ACACA: variants seen among roughly 807,000 people sequenced by gnomAD.
ACACA encodes acetyl-CoA carboxylase alpha.
ACACA carries 103 observed loss-of-function variants against 296.1 expected under a neutral mutation model. The ratio of observed to expected loss-of-function variants is 0.35; its 90% confidence interval spans 0.30 to 0.41. The LOEUF (loss-of-function observed/expected upper bound fraction) is 0.41. ACACA is among the 10% of genes least tolerant of loss of function. The probability of loss-of-function intolerance (pLI) is 1.00; values close to 1 mark genes in which losing one functional copy is unlikely to be tolerated. For missense variants in ACACA, 1,554 were observed against 2,989.7 expected (o/e 0.52, Z 11.20); for synonymous variants, 953 against 1,038.6 (o/e 0.92, Z 1.58).
intron 41 of ACACA, among the ~76,000 whole-genome samples, chr17:37,163,550 G>A (rs948187421): frequency 6.6e-6 from 1 of 152,160 alleles, no homozygotes; most frequent in Non-Finnish European, 1.5e-5. Flanking sequence ...AAAGGATGAC[G>A]TCTCACGGAC....
At chr17:37,142,566 G>C (rs1405686247) in intron 45 of ACACA, among the ~76,000 whole-genome samples, 1 of 152,218 alleles carries the variant, frequency 6.6e-6, no homozygotes, top group Non-Finnish European at 1.5e-5. Context: ...CTTTAGAAAG[G>C]AGAGTGATCC....
chr17:37,297,459 A>AACC (rs1491364151), intron 3 of ACACA, among the ~76,000 whole-genome samples: 3 of 150,764 alleles, frequency 2.0e-5, no homozygotes, highest in Non-Finnish European at 4.4e-5. Flanking sequence ...AAAAAAAAAA[A>AACC]ACCACACACA....
intron 52 of ACACA, among the ~76,000 whole-genome samples, chr17:37,105,776 A>G (rs948660281): frequency 6.6e-6 from 1 of 151,694 alleles, no homozygotes; most frequent in Non-Finnish European, 1.5e-5. Flanking sequence ...AGGTAGGAGA[A>G]CTGCTTGAAC....
intron 24 of ACACA, among the ~76,000 whole-genome samples, chr17:37,237,813 TGCAGTGATGCA>T (rs1181091304): frequency 1.3e-5 from 2 of 152,186 alleles, no homozygotes; most frequent in African/African-American, 4.8e-5. Context: ...GGGGCTGGAG[TGCAGTGATGCA>T]ATCACAGCTC....
chr17:37,313,714 G>T (rs1422679902), intron 3 of ACACA, among the ~76,000 whole-genome samples: 1 of 152,142 alleles, frequency 6.6e-6, no homozygotes, highest in Non-Finnish European at 1.5e-5. Context: ...CCCTTGTATT[G>T]GTGGTTCCCT....
intron 3 of ACACA, among the ~76,000 whole-genome samples, chr17:37,297,705 C>T (rs2083421218): frequency 6.6e-6 from 1 of 151,746 alleles, no homozygotes. Flanking sequence ...TGCCTGCCAC[C>T]ACGCCCAGCT....
At chr17:37,310,073 T>C (rs2084060406) in intron 3 of ACACA, among the ~76,000 whole-genome samples, 1 of 152,124 alleles carries the variant, frequency 6.6e-6, no homozygotes, top group Non-Finnish European at 1.5e-5. Flanking sequence ...TTTTGTATCT[T>C]ATGCTATGTG....
At chr17:37,327,341 C>A (rs1260176002) in intron 3 of ACACA, among the ~76,000 whole-genome samples, 4 of 152,162 alleles carry the variant, frequency 2.6e-5, no homozygotes, top group Non-Finnish European at 5.9e-5. Flanking sequence ...GTCACCATAT[C>A]CAGAAGTGAC....
At chr17:37,114,954 A>C (rs1051603292) in intron 50 of ACACA, among the ~76,000 whole-genome samples, 12 of 152,248 alleles carry the variant, frequency 7.9e-5, no homozygotes, top group Non-Finnish European at 1.3e-4. Flanking sequence ...CACCTTCTCC[A>C]AAGTAAAAAT....
Position 37,200,460 on chromosome 17 carries a change from C to G in ACACA, c.4080G>C (p.Gly1360=). The change falls in exon 34 of 56, where the codon GGG becomes GGC. Residue 1360 remains glycine (G), a synonymous_variant. Transcript: ENST00000616317. ...QQNKATLVDH[G]IRRLTFLVAQ... is the part of the protein sequence containing the mutation. ...CAACCAGGAAAGTAAGGCGCCGGATCCCATGGTCAACCAGGGTAGCTTTCT... is the reference window on the plus strand; with the variant it reads ...CAACCAGGAAAGTAAGGCGCCGGATGCCATGGTCAACCAGGGTAGCTTTCT... 2.5e-6 allele frequency: 4 copies of G among 1,613,326 alleles called. No homozygotes were observed. Among genetic ancestry groups the G allele is most frequent in the Non-Finnish European group, 3.4e-6 (4 of 1,179,322 alleles).
At chr17:37,195,692 C>T (rs2077964494) in intron 35 of ACACA, among the ~76,000 whole-genome samples, 1 of 152,080 alleles carries the variant, frequency 6.6e-6, no homozygotes, top group South Asian at 2.1e-4. Context: ...AAAAAGTAAT[C>T]TCTTTTGGCA....
intron 39 of ACACA, among the ~76,000 whole-genome samples, chr17:37,183,417 A>G (rs940301979): frequency 2.0e-5 from 3 of 152,258 alleles, no homozygotes; most frequent in African/African-American, 7.2e-5. Flanking sequence ...AAATAAAAAT[A>G]TATCTACACA....
intron 29 of ACACA, among the ~76,000 whole-genome samples, chr17:37,220,438 T>C (rs1039644171): frequency 1.3e-5 from 2 of 152,160 alleles, no homozygotes; most frequent in Non-Finnish European, 2.9e-5. Context: ...AAGTATAGCG[T>C]GTAGTTCTCT....
intron 50 of ACACA, among the ~76,000 whole-genome samples, chr17:37,118,721 T>A (rs1339870009): frequency 1.3e-5 from 2 of 152,340 alleles, no homozygotes; most frequent in African/African-American, 4.8e-5. Context: ...TAACCTAATT[T>A]ACATAAATCT....
intron 1 of ACACA, among the ~76,000 whole-genome samples, chr17:37,364,159 T>C (rs1417926933): frequency 6.6e-6 from 1 of 151,414 alleles, no homozygotes; most frequent in East Asian, 1.9e-4. Context: ...TTGCTGGGTA[T>C]GGTGGCACGT....
intron 1 of ACACA, among the ~76,000 whole-genome samples, chr17:37,404,226 A>G (rs1390431788): frequency 6.6e-6 from 1 of 152,214 alleles, no homozygotes; most frequent in African/African-American, 2.4e-5. Context: ...TTGAGTTTCA[A>G]TGACAAAGAC....
intron 2 of ACACA, among the ~76,000 whole-genome samples, chr17:37,339,003 A>G (rs993515836): frequency 1.3e-5 from 2 of 152,096 alleles, no homozygotes; most frequent in African/African-American, 4.8e-5. Flanking sequence ...AAGGGAGGGA[A>G]AAAGAAAGAA....
intron 38 of ACACA, among the ~76,000 whole-genome samples, chr17:37,189,016 G>C (rs936708796): frequency 1.3e-4 from 20 of 152,172 alleles, no homozygotes; most frequent in South Asian, 6.2e-4. Flanking sequence ...CAATTTGTAG[G>C]TGGTGCTAGA....
At chr17:37,285,350 T>C (rs1246044950) in intron 3 of ACACA, among the ~76,000 whole-genome samples, 1 of 152,198 alleles carries the variant, frequency 6.6e-6, no homozygotes, top group Non-Finnish European at 1.5e-5. Flanking sequence ...GACTTCTATC[T>C]TTCTTCTGAG....
Sources: allele counts gnomAD v4.1 joint callset (sites outside exome capture counted in the v4.1 genomes callset), GRCh38; gene constraint gnomAD v4.1.1; transcripts MANE v1.5; gene names NCBI Gene and HGNC (gene_info 2026-07-23, HGNC 2026-07-21).